Variants in IL7 observed in about 807,000 individuals in gnomAD.
The protein encoded by IL7 is interleukin-7.
In IL7, 3 loss-of-function variants were observed where a neutral mutation model predicts 21.6. The ratio of observed to expected loss-of-function variants is 0.14; its 90% CI spans 0.06 to 0.36. The LOEUF is 0.36. Among genes scored for constraint, IL7 ranks in the 10% least tolerant of loss-of-function variants. IL7 has a pLI of 1.00. For missense variants in IL7, 175 were observed against 200.2 expected (o/e 0.87, Z 0.76); for synonymous variants, 62 against 68.1 (o/e 0.91, Z 0.44).
At chr8:78,789,766 G>A (rs149024953) in intron 2 of IL7, among the ~76,000 whole-genome samples, 149 of 152,226 alleles carry the variant, frequency 9.8e-4, no homozygotes, top group African/African-American at 3.2e-3. Context: ...GTGTTAAGAT[G>A]ATATATTAAA....
At chr8:78,741,569 A>G (rs1298869272) in intron 2 of IL7, among the ~76,000 whole-genome samples, 1 of 152,230 alleles carries the variant, frequency 6.6e-6, no homozygotes, top group African/African-American at 2.4e-5. Context: ...CATGTTAGCA[A>G]ATTGCATGAC....
intron 3 of IL7, among the ~76,000 whole-genome samples, chr8:78,738,990 T>C (rs752134698): frequency 4.6e-5 from 7 of 152,184 alleles, no homozygotes; most frequent in Non-Finnish European, 7.4e-5. Flanking sequence ...CAATGTATTA[T>C]AAGAGGTATG....
intron 3 of IL7, among the ~76,000 whole-genome samples, chr8:78,686,873 A>C (rs1269161237): frequency 6.6e-6 from 1 of 152,114 alleles, no homozygotes; most frequent in Non-Finnish European, 1.5e-5. Flanking sequence ...TTATTATAGT[A>C]ACTATTAAAT....
At chr8:78,774,673 A>C (rs1813073603) in intron 2 of IL7, among the ~76,000 whole-genome samples, 1 of 152,154 alleles carries the variant, frequency 6.6e-6, no homozygotes, top group South Asian at 2.1e-4. Flanking sequence ...AAACAATGGC[A>C]GAAATAGAAA....
chr8:78,700,857 G>C (rs1266841954), intron 3 of IL7, among the ~76,000 whole-genome samples: 1 of 151,950 alleles, frequency 6.6e-6, no homozygotes, highest in African/African-American at 2.4e-5. Context: ...TGTTCCACTG[G>C]TCCATGTTCC....
chr8:78,740,170 C>T, intron 2 of IL7, 88 bp from the exon 3 acceptor site: 2 of 771,582 alleles, frequency 2.6e-6, no homozygotes, highest in Non-Finnish European at 3.5e-6. Flanking sequence ...CTTATAATAT[C>T]TGATATTTAT....
intron 3 of IL7, among the ~76,000 whole-genome samples, chr8:78,690,184 C>A (rs77267722): frequency 0.051 from 7,780 of 152,262 alleles, 278 homozygotes; most frequent in Middle Eastern, 0.082. Context: ...GTCAATACCG[C>A]ATTATCACTA....
intron 2 of IL7, among the ~76,000 whole-genome samples, chr8:78,742,727 A>AT (rs1280930711): frequency 5.3e-5 from 8 of 151,778 alleles, no homozygotes; most frequent in Non-Finnish European, 1.2e-4. Context: ...TTCTTTCTCT[A>AT]TTTTTTAAAC....
intron 3 of IL7, chr8:78,689,403 C>A: frequency 6.6e-7 from 1 of 1,525,740 alleles, no homozygotes; most frequent in Non-Finnish European, 8.8e-7. Context: ...TTGCTATAAA[C>A]GAGAAAATGG....
At chr8:78,793,699 G>T (rs1451085278) in intron 2 of IL7, among the ~76,000 whole-genome samples, 1 of 152,032 alleles carries the variant, frequency 6.6e-6, no homozygotes, top group Non-Finnish European at 1.5e-5. Flanking sequence ...AATGAAGTTT[G>T]CCACATAGAT....
intron 4 of IL7, among the ~76,000 whole-genome samples, chr8:78,679,565 T>C (rs1303589822): frequency 6.6e-6 from 1 of 152,186 alleles, no homozygotes; most frequent in Non-Finnish European, 1.5e-5. Flanking sequence ...GCCATGAATA[T>C]GGAACCCATG....
intron 3 of IL7, among the ~76,000 whole-genome samples, chr8:78,739,468 C>T (rs1424047836): frequency 2.0e-5 from 3 of 152,022 alleles, no homozygotes; most frequent in African/African-American, 7.2e-5. Context: ...CGGAGGCAGG[C>T]GGATCATGAG....
intron 2 of IL7, among the ~76,000 whole-genome samples, chr8:78,754,520 A>G (rs1812283046): frequency 1.3e-5 from 2 of 152,194 alleles, no homozygotes; most frequent in Admixed American, 6.5e-5. Flanking sequence ...GAAATTCTTC[A>G]CAGAGTTAGA....
intron 3 of IL7, 89 bp downstream of exon 3, chr8:78,739,913 T>C (rs1396037649): frequency 8.7e-7 from 1 of 1,144,370 alleles, no homozygotes; most frequent in African/African-American, 1.6e-5. Flanking sequence ...ATATTAATAG[T>C]ATTCATATAA....
chr8:78,752,544 C>T (rs1253212145), intron 2 of IL7, among the ~76,000 whole-genome samples: 1 of 152,074 alleles, frequency 6.6e-6, no homozygotes, highest in Non-Finnish European at 1.5e-5. Context: ...TTTTCTCATA[C>T]TTATTGGCCA....
intron 2 of IL7, among the ~76,000 whole-genome samples, chr8:78,754,098 A>G (rs909137783): frequency 6.6e-6 from 1 of 152,218 alleles, no homozygotes; most frequent in Non-Finnish European, 1.5e-5. Context: ...GGAAGAGAGG[A>G]TGTGAAATTA....
chr8:78,740,642 A>G (rs1346406209), intron 2 of IL7, among the ~76,000 whole-genome samples: 1 of 152,242 alleles, frequency 6.6e-6, no homozygotes, highest in Non-Finnish European at 1.5e-5. Context: ...TAATCAACAT[A>G]GTATTTTCAA....
downstream of IL7, among the ~76,000 whole-genome samples, chr8:78,675,274 T>C (rs1336651057): frequency 6.6e-6 from 1 of 151,888 alleles, no homozygotes; most frequent in African/African-American, 2.4e-5. Flanking sequence ...ATAATACATG[T>C]AATTTGCATA....
intron 2 of IL7, chr8:78,746,774 T>C: frequency 3.0e-6 from 1 of 333,488 alleles, no homozygotes; most frequent in Admixed American, 4.2e-5. Context: ...TCTGTGTGTG[T>C]ATGTGTTTGT....
Sources: gnomAD v4.1 joint callset for allele counts (sites outside exome capture counted in the v4.1 genomes callset) on GRCh38, gnomAD v4.1.1 for gene constraint, MANE v1.5 for transcripts, NCBI Gene and HGNC (gene_info 2026-07-23, HGNC 2026-07-21) for gene names.